The following LRP2 variants were observed in gnomAD, a reference collection of about 807,000 sequenced individuals.
LRP2 encodes LDL receptor related protein 2.
A neutral mutation model predicts 531.0 loss-of-function variants in LRP2; 172 were observed. The observed-to-expected ratio is 0.32, with a 90% CI of 0.29 to 0.37. LRP2 has a LOEUF of 0.37. Ranked by LOEUF, LRP2 falls within the 10% of genes least tolerant of loss-of-function variation. The probability of loss-of-function intolerance (pLI) is 1.00; values close to 1 mark genes in which losing one functional copy is unlikely to be tolerated. For missense variants in LRP2, 5,167 were observed against 5,868.3 expected (o/e 0.88, Z 3.90); for synonymous variants, 1,992 against 2,027.6 (o/e 0.98, Z 0.47).
intron 11 of LRP2, 68 bp downstream of exon 11, chr2:169,280,282 T>C: frequency 6.3e-7 from 1 of 1,575,826 alleles, no homozygotes; most frequent in South Asian, 1.1e-5. Flanking sequence ...CTCTACTCCC[T>C]CTAAAAGTGA....
intron 4 of LRP2, among the ~76,000 whole-genome samples, chr2:169,301,795 C>T (rs1390309634): frequency 2.0e-5 from 3 of 152,074 alleles, no homozygotes; most frequent in Non-Finnish European, 4.4e-5. Flanking sequence ...CCGGAATGGA[C>T]ACAAGGTACT....
chr2:169,226,309 T>G (rs1689197973), intron 32 of LRP2, 113 bp downstream of exon 32: 2 of 847,668 alleles, frequency 2.4e-6, no homozygotes, highest in African/African-American at 3.4e-5. Flanking sequence ...TAAATTTATT[T>G]CCACATTGTT....
intron 1 of LRP2, among the ~76,000 whole-genome samples, chr2:169,328,410 T>C (rs1685174462): frequency 8.8e-6 from 1 of 114,202 alleles, no homozygotes; most frequent in Admixed American, 1.4e-4. Context: ...CTGGGAGGTG[T>C]ACCCAACAGC....
rs148234143 is a variant in LRP2, at chr2:169,218,655, C to T, written c.5648+1799G>A. 2.0e-5 allele frequency among the ~76,000 whole-genome samples: 3 copies of T among 152,262 alleles called. No individual in the cohort carries two copies. In the East Asian group the frequency reaches 5.8e-4, roughly 29 times the overall value. ...TCTTCTCTCTGGGTAAATAGGTGGA[C>T]TGCATGTCCTTCCGTGCAGTTAGCT... On this transcript the variant is annotated intron_variant, in intron 34 of 78. Coordinates refer to ENST00000649046, the MANE Select transcript of LRP2 (RefSeq NM_004525.3).
intron 33 of LRP2, among the ~76,000 whole-genome samples, chr2:169,224,124 T>C (rs969557776): frequency 1.3e-5 from 2 of 152,214 alleles, no homozygotes; most frequent in Non-Finnish European, 2.9e-5. Context: ...TTAGTATAGA[T>C]AGGTGCTCTA....
intron 3 of LRP2, among the ~76,000 whole-genome samples, chr2:169,310,779 C>T (rs1284947265): frequency 2.0e-5 from 3 of 152,170 alleles, no homozygotes; most frequent in Non-Finnish European, 4.4e-5. Context: ...AGGAATGGTA[C>T]CAGCTCCTCC....
chr2:169,178,263 A>T (rs1687289193), intron 52 of LRP2, among the ~76,000 whole-genome samples: 1 of 152,250 alleles, frequency 6.6e-6, no homozygotes, highest in South Asian at 2.1e-4. Context: ...GAATAGTGTC[A>T]GGAGTTTAAA....
At chr2:169,318,086 T>C (rs1420418469) in intron 3 of LRP2, among the ~76,000 whole-genome samples, 1 of 151,870 alleles carries the variant, frequency 6.6e-6, no homozygotes, top group Non-Finnish European at 1.5e-5. Context: ...CTAAAAATAA[T>C]AATAAAATAA....
chr2:169,240,832 G>T, intron 25 of LRP2, 156 bp downstream of exon 25: 1 of 847,962 alleles, frequency 1.2e-6, no homozygotes, highest in South Asian at 1.4e-5. Context: ...TGATGTATTT[G>T]AATTCAATTA....
chr2:169,323,818 C>T (rs1252172076), intron 1 of LRP2, among the ~76,000 whole-genome samples: 1 of 149,746 alleles, frequency 6.7e-6, no homozygotes, highest in Non-Finnish European at 1.5e-5. Flanking sequence ...TTAAAACATT[C>T]TCCAGGAGCC....
intron 1 of LRP2, among the ~76,000 whole-genome samples, chr2:169,356,875 T>G (rs926376114): frequency 2.0e-5 from 3 of 152,200 alleles, no homozygotes; most frequent in Admixed American, 6.5e-5. Context: ...TTTCAGAATC[T>G]TAAATGCAAA....
At chr2:169,349,122 C>T (rs1337464903) in intron 1 of LRP2, among the ~76,000 whole-genome samples, 2 of 152,108 alleles carry the variant, frequency 1.3e-5, no homozygotes, top group Non-Finnish European at 2.9e-5. Context: ...CCATTTACAT[C>T]TTAGGGAAGG....
intron 1 of LRP2, among the ~76,000 whole-genome samples, chr2:169,338,670 C>A (rs1480271765): frequency 6.6e-6 from 1 of 152,168 alleles, no homozygotes. Context: ...CCATTCTGCC[C>A]AGCATGTCTA....
At chr2:169,247,096 T>C in intron 20 of LRP2, 110 bp from the exon 21 acceptor site, 1 of 1,257,948 alleles carries the variant, frequency 7.9e-7, no homozygotes, top group Non-Finnish European at 1.1e-6. Flanking sequence ...TCAGACCCAA[T>C]ACTAAAAAGT....
intron 36 of LRP2, 40 bp downstream of exon 36, chr2:169,213,617 A>C: frequency 6.8e-7 from 1 of 1,478,466 alleles, no homozygotes; most frequent in Non-Finnish European, 9.4e-7. Flanking sequence ...GTGAATATGC[A>C]TTATACACCC....
At chr2:169,183,075 T>C (rs1288283418) in intron 50 of LRP2, among the ~76,000 whole-genome samples, 4 of 152,212 alleles carry the variant, frequency 2.6e-5, no homozygotes, top group African/African-American at 2.4e-5. Context: ...CAGAGTCTTA[T>C]AGCATCCATA....
intron 54 of LRP2, 32 bp downstream of exon 54, chr2:169,176,379 A>C: frequency 2.5e-6 from 4 of 1,613,490 alleles, no homozygotes; most frequent in Non-Finnish European, 2.5e-6. Flanking sequence ...CGGGCTAGAG[A>C]GGCACTGAGG....
In LRP2 at chr2:169,191,873, T is replaced by A; in HGVS notation, c.8991A>T (p.Glu2997Asp). 6.2e-7 allele frequency: 1 copy of A among 1,614,148 alleles called. No homozygotes were observed. Among genetic ancestry groups the A allele is most frequent in the African/African-American group, 1.3e-5 (1 of 75,046 alleles). ...TACACAGTCCGTAACCACAGGTGAA[T>A]TCATTTTCAGAGCAAGTTCTCCTGG... is the stretch of plus-strand genomic sequence containing the variant. Reference protein sequence around the residue: ...NCTRRTCSENEFTCGYGLCIP... With the variant: ...NCTRRTCSENDFTCGYGLCIP... The change falls in exon 48 of 79, where the codon GAA becomes GAT. Residue 2997 changes from glutamate (E) to aspartate (D), a missense_variant. Physicochemically the swap from Glu to Asp is conservative, Grantham distance 45. This residue lies in a region of LRP2 where 1,129 missense variants were observed against 1,362.7 expected (regional missense o/e 0.83). Coordinates refer to ENST00000649046, the MANE Select transcript of LRP2 (RefSeq NM_004525.3).
At chr2:169,168,416 T>C in intron 61 of LRP2, 123 bp downstream of exon 61, 2 of 1,211,834 alleles carry the variant, frequency 1.7e-6, no homozygotes, top group Non-Finnish European at 2.4e-6. Context: ...ACACCAACGC[T>C]GATCCTGTGT....
Sources: gnomAD v4.1 joint callset for allele counts (sites outside exome capture counted in the v4.1 genomes callset) on GRCh38, gnomAD v4.1.1 for gene constraint, gnomAD v4.1.1 regional missense constraint, MANE v1.5 for transcripts, NCBI Gene and HGNC (gene_info 2026-07-23, HGNC 2026-07-21) for gene names.